KCNH8: variants seen among roughly 807,000 people sequenced by gnomAD.
The protein encoded by KCNH8 is voltage-gated delayed rectifier potassium channel KCNH8.
Under a neutral mutation model 103.6 loss-of-function variants are expected in KCNH8, and 70 were observed. The observed-to-expected ratio is 0.68, with a 90% CI of 0.56 to 0.82. The LOEUF is 0.82. KCNH8 is among the 40% of genes least tolerant of loss of function. The pLI, the probability that KCNH8 is intolerant of heterozygous loss-of-function variation, is 0.00. For synonymous variants in KCNH8, 498 were observed against 489.4 expected, an observed-to-expected ratio of 1.02 and a Z score of -0.23; for missense variants, 1,217 against 1,329.9, an observed-to-expected ratio of 0.92 and a Z score of 1.32.
chr3:19,475,776 G>A (rs2067960801), intron 11 of KCNH8, among the ~76,000 whole-genome samples: 1 of 152,080 alleles, frequency 6.6e-6, no homozygotes, highest in South Asian at 2.1e-4. Context: ...TTCTTGTTCT[G>A]GGAAATTCCT....
At position 19,333,633 on chromosome 3, in the gene KCNH8, C is replaced by T. The variant is rs542287748; in HGVS notation, c.443-8954C>T. Reference sequence around the variant, plus strand: ...CAATAGACTGTTGTACAATTCAATACGTGGAAAATGATAAAATATACAATC... The same window carrying T: ...CAATAGACTGTTGTACAATTCAATATGTGGAAAATGATAAAATATACAATC... On this transcript the variant is annotated intron_variant, in intron 3 of 15. Transcript: ENST00000328405. Among the ~76,000 whole-genome samples the T allele has an allele frequency of 1.7e-4, 26 of 152,092 alleles. 1 individual carries two copies. Among genetic ancestry groups the T allele is most frequent in the Middle Eastern group, 6.8e-3 (2 of 294 alleles).
intron 1 of KCNH8, among the ~76,000 whole-genome samples, chr3:19,213,000 G>A (rs1559425285): frequency 3.3e-5 from 5 of 152,144 alleles, no homozygotes. Flanking sequence ...CACAGAGCAA[G>A]TTTAGGGCAG....
intron 1 of KCNH8, among the ~76,000 whole-genome samples, chr3:19,245,135 A>G (rs529746728): frequency 6.6e-6 from 1 of 152,326 alleles, no homozygotes; most frequent in East Asian, 1.9e-4. Flanking sequence ...ACTTTTGTAT[A>G]TGGTGACTGG....
intron 7 of KCNH8, among the ~76,000 whole-genome samples, chr3:19,428,402 G>C (rs1223532634): frequency 1.3e-5 from 2 of 152,138 alleles, no homozygotes; most frequent in Non-Finnish European, 2.9e-5. Flanking sequence ...TTTGATTTCT[G>C]AGAATGATGC....
At chr3:19,390,839 G>A (rs1305663993) in intron 6 of KCNH8, among the ~76,000 whole-genome samples, 1 of 152,018 alleles carries the variant, frequency 6.6e-6, no homozygotes, top group Non-Finnish European at 1.5e-5. Flanking sequence ...AGCTGTTCAT[G>A]CTTTTTTCAA....
chr3:19,298,990 G>T (rs996739594), intron 3 of KCNH8, among the ~76,000 whole-genome samples: 2 of 151,772 alleles, frequency 1.3e-5, no homozygotes, highest in Non-Finnish European at 1.5e-5. Context: ...AATAAGAGGG[G>T]TGCTTTGGAG....
chr3:19,181,806 C>G (rs986367923), intron 1 of KCNH8, among the ~76,000 whole-genome samples: 2 of 152,146 alleles, frequency 1.3e-5, no homozygotes, highest in African/African-American at 4.8e-5. Flanking sequence ...TCTCGGCTGA[C>G]AGTTTCAACA....
chr3:19,214,373 C>T (rs2063799271), intron 1 of KCNH8, among the ~76,000 whole-genome samples: 1 of 152,202 alleles, frequency 6.6e-6, no homozygotes, highest in South Asian at 2.1e-4. Context: ...GGCCACAAAA[C>T]ACATAGCTGT....
chr3:19,174,342 C>T (rs1575414017), intron 1 of KCNH8, among the ~76,000 whole-genome samples: 1 of 152,218 alleles, frequency 6.6e-6, no homozygotes, highest in East Asian at 1.9e-4. Flanking sequence ...TTTTAAAACA[C>T]AAATATGGCA....
At chr3:19,476,025 A>G (rs540804189) in intron 11 of KCNH8, among the ~76,000 whole-genome samples, 16 of 152,276 alleles carry the variant, frequency 1.1e-4, no homozygotes, top group African/African-American at 3.9e-4. Context: ...CTCACCTGAA[A>G]ATGACTATTT....
intron 7 of KCNH8, among the ~76,000 whole-genome samples, chr3:19,406,450 A>T (rs1355743783): frequency 1.3e-5 from 2 of 152,150 alleles, no homozygotes; most frequent in African/African-American, 4.8e-5. Flanking sequence ...GGATATAAAA[A>T]TAACCTGTTT....
intron 11 of KCNH8, among the ~76,000 whole-genome samples, chr3:19,495,606 A>G (rs948656189): frequency 2.0e-5 from 3 of 152,166 alleles, no homozygotes; most frequent in African/African-American, 7.2e-5. Flanking sequence ...TGGTTACTGT[A>G]GCCTTGTAAT....
intron 3 of KCNH8, among the ~76,000 whole-genome samples, chr3:19,325,433 A>G (rs997138742): frequency 6.6e-6 from 1 of 152,134 alleles, no homozygotes; most frequent in Non-Finnish European, 1.5e-5. Flanking sequence ...TTTTTTGCAA[A>G]CTATGCATCT....
At chr3:19,500,513 T>C (rs1200796507) in intron 11 of KCNH8, among the ~76,000 whole-genome samples, 1 of 152,110 alleles carries the variant, frequency 6.6e-6, no homozygotes, top group African/African-American at 2.4e-5. Flanking sequence ...TATTCCAAAA[T>C]TGACCACGTA....
At chr3:19,285,013 A>T (rs192631742) in intron 3 of KCNH8, among the ~76,000 whole-genome samples, 1 of 151,902 alleles carries the variant, frequency 6.6e-6, no homozygotes, top group African/African-American at 2.4e-5. Context: ...ATGGTGGGGA[A>T]GGATTAAGAA....
At chr3:19,188,607 A>G (rs917278465) in intron 1 of KCNH8, among the ~76,000 whole-genome samples, 4 of 152,156 alleles carry the variant, frequency 2.6e-5, no homozygotes, top group African/African-American at 9.7e-5. Context: ...TCTATAAAGC[A>G]TCACATTTGC....
intron 3 of KCNH8, among the ~76,000 whole-genome samples, chr3:19,336,230 A>C (rs2065583319): frequency 6.6e-6 from 1 of 151,808 alleles, no homozygotes; most frequent in Admixed American, 6.6e-5. Context: ...TTTGGATATC[A>C]AATATGCCTA....
chr3:19,201,231 CAAAAAA>C (rs1170312203), intron 1 of KCNH8, among the ~76,000 whole-genome samples: 154 of 22,030 alleles, frequency 7.0e-3, no homozygotes, highest in African/African-American at 0.025. Context: ...GACTCTGCCT[CAAAAAA>C]AAAAAAAAAA....
At chr3:19,463,219 C>T (rs907750996) in intron 11 of KCNH8, among the ~76,000 whole-genome samples, 1 of 152,100 alleles carries the variant, frequency 6.6e-6, no homozygotes, top group Non-Finnish European at 1.5e-5. Context: ...GAACCAGTCT[C>T]TCAGATACTA....
Sources: allele counts gnomAD v4.1 joint callset (sites outside exome capture counted in the v4.1 genomes callset), GRCh38; gene constraint gnomAD v4.1.1; transcripts MANE v1.5; gene names NCBI Gene and HGNC (gene_info 2026-07-23, HGNC 2026-07-21).